ZMYND12: variants seen among roughly 807,000 people sequenced by gnomAD.
ZMYND12 encodes zinc finger MYND domain-containing protein 12.
In ZMYND12, 32 loss-of-function variants were observed where a neutral mutation model predicts 41.7. The ratio of observed to expected loss-of-function variants is 0.77; its 90% CI spans 0.58 to 1.03. ZMYND12 has a LOEUF of 1.03. ZMYND12 is among the 50% of genes least tolerant of loss of function. The pLI is 0.00. For missense variants in ZMYND12, 424 were observed against 438.5 expected, an observed-to-expected ratio of 0.97 and a Z score of 0.30; for synonymous variants, 148 against 164.8, an observed-to-expected ratio of 0.90 and a Z score of 0.78.
In ZMYND12 at chr1:42,440,011, C is replaced by T. The variant is rs773861975; in HGVS notation, c.439G>A (p.Val147Ile). Residue 147 changes from valine to isoleucine, a missense_variant, in exon 4 of 8, where the codon GTT becomes ATT. Val to Ile is a conservative substitution (Grantham distance 29). Coordinates refer to ENST00000372565, the MANE Select transcript of ZMYND12 (RefSeq NM_032257.5). ...AEASLGLGRI[V>I]QAEEYLFQAQ... is the part of the protein sequence containing the mutation. ...TGGAATAGATATTCTTCAGCCTGAA[C>T]GATTCGGCCCAGACCTGCCCAAAAG... The T allele has an allele frequency of 6.2e-6, 10 of 1,610,086 alleles. No individual in the cohort carries two copies. The South Asian group carries it at 6.7e-5, about 11-fold the overall frequency.
rs184693755 is a variant in ZMYND12, at chr1:42,432,031, C to T, written c.975+1112G>A. 2.0e-5 allele frequency among the ~76,000 whole-genome samples: 3 copies of T among 150,100 alleles called. No individual in the cohort carries two copies. In the East Asian group the frequency reaches 5.9e-4, roughly 29 times the overall value. ...CTCCCCCTGCCAACTGCTTTTTCTT[C>T]TTCTTCTTCTTCTTTTCTTTTTCTT... On this transcript the variant is annotated intron_variant, in intron 7 of 7. Coordinates refer to ENST00000372565, the MANE Select transcript of ZMYND12 (RefSeq NM_032257.5).
At chr1:42,445,913 A>ATAGC (rs1332953737) in intron 3 of ZMYND12, among the ~76,000 whole-genome samples, 1 of 152,196 alleles carries the variant, frequency 6.6e-6, no homozygotes, top group East Asian at 1.9e-4. Context: ...CCAGAATCCC[A>ATAGC]TAGCTAGCCA....
In ZMYND12 at chr1:42,449,958, T is replaced by G. The variant is rs755054229; in HGVS notation, c.212A>C (p.Glu71Ala). 1 of 1,613,526 alleles carries G rather than the reference T, an allele frequency of 6.2e-7. No homozygotes were observed. The highest frequency in any genetic ancestry group is 1.7e-5 in the Admixed American group (1 of 60,030). The change falls in exon 2 of 8, where the codon GAA becomes GCA. Residue 71 changes from glutamate to alanine, a missense_variant. Physicochemically the swap from Glu to Ala is moderately radical, Grantham distance 107. Transcript: ENST00000372565. ...CTGCTGCAGGCCATGCTGCCGTTCT[T>G]CCTCTGAATTGTAGAAGGGCATGGA... ...RTSMPFYNSE[E>A]ERQHGLQQLQ... is the part of the protein sequence containing the mutation.
rs771654433 is a variant in ZMYND12, at chr1:42,439,996, ATTC to A, written c.451_453del (p.Glu151del). 1.8e-5 allele frequency: 29 copies of A among 1,612,860 alleles called. No homozygotes were observed. The highest frequency in any genetic ancestry group is 3.3e-4 in the Middle Eastern group (2 of 6,082). ...ACTGTCCACTGGGCTTGGAATAGAT[ATTC>A]TTCAGCCTGAACGATTCGGCCCAGA... On this transcript the variant is annotated inframe_deletion, in exon 4 of 8. Transcript: ENST00000372565.
rs750270129 is a variant in ZMYND12 at position 42,430,758 on chromosome 1, G to T, written c.1076C>A (p.Thr359Asn). The T allele has an allele frequency of 1.2e-6, 2 of 1,614,176 alleles. No individual in the cohort carries two copies. Among genetic ancestry groups the T allele is most frequent in the Admixed American group, 3.3e-5 (2 of 60,028 alleles). The part of the protein sequence containing the change: ...TIQELLSLIS[T>N]EDHPIT ...TCACTAAGTAATGGGATGGTCTTCA[G>T]TTGAAATGAGACTTAATAACTCTTG... The change falls in exon 8 of 8, where the codon ACT becomes AAT. Residue 359 changes from threonine (T) to asparagine (N), a missense_variant. Coordinates refer to ENST00000372565, the MANE Select transcript of ZMYND12 (RefSeq NM_032257.5).
intron 3 of ZMYND12, among the ~76,000 whole-genome samples, chr1:42,447,244 G>A (rs919116817): frequency 6.6e-6 from 1 of 152,146 alleles, no homozygotes; most frequent in Non-Finnish European, 1.5e-5. Context: ...CAGTTTATAG[G>A]ATGGGATGAG....
At chr1:42,433,346 T>A in intron 6 of ZMYND12, 58 bp from the exon 7 acceptor site, 1 of 1,522,466 alleles carries the variant, frequency 6.6e-7, no homozygotes, top group Non-Finnish European at 8.7e-7. Flanking sequence ...TCTGCCCTCA[T>A]CAAAAGCACT....
intron 6 of ZMYND12, among the ~76,000 whole-genome samples, chr1:42,434,547 C>T (rs1642886653): frequency 6.6e-6 from 1 of 152,078 alleles, no homozygotes; most frequent in Admixed American, 6.6e-5. Flanking sequence ...TTTACAGCCA[C>T]TCCCCATTGC....
intron 1 of ZMYND12, among the ~76,000 whole-genome samples, chr1:42,451,991 T>C (rs547995585): frequency 2.8e-4 from 43 of 152,318 alleles, no homozygotes; most frequent in Admixed American, 5.2e-4. Context: ...AATGGATAAA[T>C]GCTTTCAATC....
At chr1:42,439,604 C>T (rs1284873259) in intron 4 of ZMYND12, among the ~76,000 whole-genome samples, 1 of 152,156 alleles carries the variant, frequency 6.6e-6, no homozygotes, top group African/African-American at 2.4e-5. Flanking sequence ...TTTTGCCTCC[C>T]TTTACTCTTC....
rs565466547 is a variant in ZMYND12 at position 42,451,489 on chromosome 1, T to C, written c.111-1430A>G. On this transcript the variant is annotated intron_variant, in intron 1 of 7. Transcript: ENST00000372565. The stretch of plus-strand genomic sequence containing the variant: ...CTAGAGGAGGGATCAGAAAAGCTTT[T>C]CTGTAAAGGGTCAGATAAATATTTT... 4.1e-4 allele frequency among the ~76,000 whole-genome samples: 63 copies of C among 152,344 alleles called. 1 individual carries two copies. The highest frequency in any genetic ancestry group is 1.4e-3 in the African/African-American group (60 of 41,588).
chr1:42,439,472 G>A (rs757534661), intron 4 of ZMYND12, among the ~76,000 whole-genome samples: 17 of 152,058 alleles, frequency 1.1e-4, no homozygotes, highest in Non-Finnish European at 2.2e-4. Context: ...CACCATGTTG[G>A]CCAGGACGGT....
chr1:42,453,538 A>C (rs1222020028), intron 1 of ZMYND12, among the ~76,000 whole-genome samples: 1 of 152,226 alleles, frequency 6.6e-6, no homozygotes, highest in African/African-American at 2.4e-5. Context: ...ACACTCACCA[A>C]CAATTAAAAT....
intron 3 of ZMYND12, among the ~76,000 whole-genome samples, chr1:42,445,221 C>G (rs148933400): frequency 6.6e-6 from 1 of 151,408 alleles, no homozygotes. Context: ...TCATTTGAAG[C>G]CAGGAGTTCA....
chr1:42,432,986 A>C, intron 7 of ZMYND12, 157 bp downstream of exon 7: 2 of 864,330 alleles, frequency 2.3e-6, no homozygotes, highest in African/African-American at 3.4e-5. Context: ...GGCTAGACTC[A>C]ACACAGGAGA....
chr1:42,452,199 C>T (rs966687685), intron 1 of ZMYND12, among the ~76,000 whole-genome samples: 1 of 152,002 alleles, frequency 6.6e-6, no homozygotes, highest in African/African-American at 2.4e-5. Context: ...AATAATTTTT[C>T]CTTTTGTTTG....
chr1:42,446,938 G>T (rs147320518), intron 3 of ZMYND12, among the ~76,000 whole-genome samples: 6 of 152,118 alleles, frequency 3.9e-5, no homozygotes, highest in South Asian at 4.1e-4. Flanking sequence ...CTTGAGTGGG[G>T]TTTGTCACTG....
chr1:42,441,908 C>A (rs948714977), intron 3 of ZMYND12, among the ~76,000 whole-genome samples: 1 of 152,222 alleles, frequency 6.6e-6, no homozygotes, highest in African/African-American at 2.4e-5. Flanking sequence ...GCGTGAGCCA[C>A]CGCACCCGGC....
chr1:42,436,374 C>T (rs1291438410), intron 5 of ZMYND12, 47 bp downstream of exon 5: 5 of 1,608,462 alleles, frequency 3.1e-6, no homozygotes, highest in Middle Eastern at 3.3e-4. Context: ...AGTTGTAAGA[C>T]ACCAAGCCTA....
Sources: gnomAD v4.1 joint callset for allele counts (sites outside exome capture counted in the v4.1 genomes callset) on GRCh38, gnomAD v4.1.1 for gene constraint, MANE v1.5 for transcripts, NCBI Gene and HGNC (gene_info 2026-07-23, HGNC 2026-07-21) for gene names.